The following MCC variants were observed in gnomAD, a reference collection of about 807,000 sequenced individuals.
The protein encoded by MCC is MCC regulator of Wnt signaling pathway, also known as colorectal mutant cancer protein.
In MCC, 90 loss-of-function variants were observed where a neutral mutation model predicts 116.2. The observed-to-expected ratio is 0.77, with a 90% CI of 0.65 to 0.92. MCC has a LOEUF of 0.92. Among genes scored for constraint, MCC ranks in the 40% least tolerant of loss-of-function variants. The pLI is 0.00. For synonymous variants in MCC, 578 were observed against 510.5 expected (o/e 1.13, Z -1.78); for missense variants, 1,516 against 1,312.2 (o/e 1.16, Z -2.40).
intron 3 of MCC, among the ~76,000 whole-genome samples, chr5:113,248,668 C>A (rs780710642): frequency 1.3e-5 from 2 of 152,176 alleles, no homozygotes; most frequent in East Asian, 3.8e-4. Context: ...GTTCGTCCAA[C>A]ATATTCACCA....
chr5:113,182,838 G>A (rs17135403), intron 3 of MCC, among the ~76,000 whole-genome samples: 3,331 of 152,286 alleles, frequency 0.022, 66 homozygotes, highest in East Asian at 0.078. Flanking sequence ...TCCAGATGGC[G>A]GGAAGGTATA....
At chr5:113,388,851 C>T (rs1014427581) in intron 1 of MCC, among the ~76,000 whole-genome samples, 11 of 152,164 alleles carry the variant, frequency 7.2e-5, no homozygotes, top group African/African-American at 2.4e-4. Context: ...GTATGAGGCA[C>T]AGCCTGGAAA....
intron 3 of MCC, among the ~76,000 whole-genome samples, chr5:113,186,425 C>A (rs927217475): frequency 6.6e-6 from 1 of 152,162 alleles, no homozygotes; most frequent in Admixed American, 6.6e-5. Context: ...CCGCAGCAGC[C>A]ATGGCGACAA....
At chr5:113,461,492 C>T (rs965393191) in intron 1 of MCC, among the ~76,000 whole-genome samples, 1 of 151,576 alleles carries the variant, frequency 6.6e-6, no homozygotes, top group African/African-American at 2.4e-5. Context: ...TGCTGCCTAC[C>T]CCTTGGACAC....
At chr5:113,163,016 C>G (rs1369928288) in intron 3 of MCC, among the ~76,000 whole-genome samples, 1 of 152,132 alleles carries the variant, frequency 6.6e-6, no homozygotes, top group Non-Finnish European at 1.5e-5. Flanking sequence ...GTAATTGAAT[C>G]AGCTGCTCCC....
chr5:113,435,002 A>G, intron 1 of MCC: 1 of 813,058 alleles, frequency 1.2e-6, no homozygotes, highest in Non-Finnish European at 1.9e-6. Flanking sequence ...AACATTTGGC[A>G]CTGTCTCCCA....
In MCC at chr5:113,467,284, C is replaced by A. The variant is rs1320274514; in HGVS notation, c.170+20961G>T. Reference sequence around the variant, plus strand: ...CATGCCTATGTCCTGAATGGTATTGCCTAGGTTTTCTTCTAGGGTTTTTAT... The same window carrying A: ...CATGCCTATGTCCTGAATGGTATTGACTAGGTTTTCTTCTAGGGTTTTTAT... On this transcript the variant is annotated intron_variant, in intron 1 of 18. Transcript: ENST00000408903. Among the ~76,000 whole-genome samples, 603 of 148,986 alleles carry A rather than the reference C, an allele frequency of 4.0e-3. 3 individuals are homozygous for A. The highest frequency in any genetic ancestry group is 7.8e-3 in the South Asian group (36 of 4,612).
chr5:113,386,529 A>C (rs991140039), intron 1 of MCC, among the ~76,000 whole-genome samples: 2 of 151,844 alleles, frequency 1.3e-5, no homozygotes, highest in Non-Finnish European at 2.9e-5. Flanking sequence ...AATTTAGGTT[A>C]GTCTTCTCCC....
At chr5:113,078,436 G>A (rs897509685) in intron 11 of MCC, among the ~76,000 whole-genome samples, 2 of 152,204 alleles carry the variant, frequency 1.3e-5, no homozygotes, top group African/African-American at 4.8e-5. Flanking sequence ...AAATCCAGCA[G>A]CACATCAAAA....
At chr5:113,476,123 G>A (rs754226960) in intron 1 of MCC, among the ~76,000 whole-genome samples, 3 of 152,130 alleles carry the variant, frequency 2.0e-5, no homozygotes, top group East Asian at 1.9e-4. Context: ...GCACGTGAAC[G>A]AATTAGTTTA....
At chr5:113,311,897 G>A (rs1767142889) in intron 3 of MCC, among the ~76,000 whole-genome samples, 1 of 152,114 alleles carries the variant, frequency 6.6e-6, no homozygotes, top group African/African-American at 2.4e-5. Flanking sequence ...CACAAGGTCA[G>A]GAGTTAGAGA....
chr5:113,291,044 AC>A (rs1234368966), intron 3 of MCC, among the ~76,000 whole-genome samples: 1 of 152,232 alleles, frequency 6.6e-6, no homozygotes. Context: ...GTCAATAAAT[AC>A]ATAAAAATAT....
intron 16 of MCC, 154 bp downstream of exon 16, chr5:113,048,939 A>T (rs908136907): frequency 1.4e-6 from 1 of 693,050 alleles, no homozygotes; most frequent in East Asian, 2.6e-5. Context: ...TTACACTCAA[A>T]ATGTCACCTT....
Position 113,167,755 on chromosome 5 carries a change from C to CGGGA in MCC, c.628-16334_628-16333insTCCC, listed in dbSNP as rs1245720130. 1.8e-3 allele frequency among the ~76,000 whole-genome samples: 267 copies of CGGGA among 152,244 alleles called. 1 individual carries two copies. Among genetic ancestry groups the CGGGA allele is most frequent in the African/African-American group, 5.7e-3 (235 of 41,540 alleles). On this transcript the variant is annotated intron_variant, in intron 3 of 18. Transcript: ENST00000408903. Reference sequence around the variant, plus strand: ...AAGCAATTCTCTCACCTCAGCTTCCCAAGTAGCAGGGACTACAGGTGTGTG... The same window carrying CGGGA: ...AAGCAATTCTCTCACCTCAGCTTCCCGGGAAAGTAGCAGGGACTACAGGTGTGTG...
intron 6 of MCC, among the ~76,000 whole-genome samples, chr5:113,109,662 T>A (rs1756967886): frequency 6.6e-6 from 1 of 152,186 alleles, no homozygotes; most frequent in Non-Finnish European, 1.5e-5. Context: ...ACAATAAATA[T>A]AATAAATGTA....
chr5:113,251,210 G>T (rs1764786985), intron 3 of MCC, among the ~76,000 whole-genome samples: 1 of 152,192 alleles, frequency 6.6e-6, no homozygotes, highest in African/African-American at 2.4e-5. Flanking sequence ...TAACTGTATT[G>T]TAAGAAATAT....
chr5:113,051,638 T>C (rs1398312178), intron 15 of MCC, among the ~76,000 whole-genome samples: 1 of 151,990 alleles, frequency 6.6e-6, no homozygotes, highest in African/African-American at 2.4e-5. Context: ...GGCAGGAGGA[T>C]CACTTCCAGC....
intron 2 of MCC, among the ~76,000 whole-genome samples, chr5:113,357,041 T>G (rs7702837): frequency 0.05 from 7,553 of 152,288 alleles, 224 homozygotes; most frequent in African/African-American, 0.071. Context: ...GTAGTCATGC[T>G]GCTTAGTATC....
intron 2 of MCC, among the ~76,000 whole-genome samples, chr5:113,349,030 C>A (rs1259843966): frequency 6.6e-6 from 1 of 151,890 alleles, no homozygotes; most frequent in Non-Finnish European, 1.5e-5. Context: ...CTGAACAGAC[C>A]AATAAAAAAT....
Sources: gnomAD v4.1 joint callset for allele counts (sites outside exome capture counted in the v4.1 genomes callset) on GRCh38, gnomAD v4.1.1 for gene constraint, MANE v1.5 for transcripts, NCBI Gene and HGNC (gene_info 2026-07-23, HGNC 2026-07-21) for gene names.